Variants in ERBB4 observed in about 807,000 individuals in gnomAD.
ERBB4 encodes erb-b2 receptor tyrosine kinase 4, also known as receptor tyrosine-protein kinase erbB-4.
A neutral mutation model predicts 158.0 loss-of-function variants in ERBB4; 42 were observed. That is an observed-to-expected ratio of 0.27 (90% CI 0.21 to 0.34). The LOEUF is 0.34. Among genes scored for constraint, ERBB4 ranks in the 10% least tolerant of loss-of-function variants. ERBB4 has a pLI of 1.00. For synonymous variants in ERBB4, 583 were observed against 558.7 expected (o/e 1.04, Z -0.61); for missense variants, 1,333 against 1,624.1 (o/e 0.82, Z 3.08).
At chr2:212,038,075 T>C (rs576708474) in intron 2 of ERBB4, among the ~76,000 whole-genome samples, 1 of 152,272 alleles carries the variant, frequency 6.6e-6, no homozygotes, top group Admixed American at 6.5e-5. Context: ...TGAAATATAT[T>C]ATTATGGGAT....
rs1307801375 is a variant in ERBB4, at chr2:211,502,329, A to G, written c.2487+59574T>C. ...CCTATTCTTGACATTTTATATACTC[A>G]AATTAGGGTAATGTAACAGAAAGCT... is the stretch of plus-strand genomic sequence containing the variant. On this transcript the variant is annotated intron_variant, in intron 20 of 27. Coordinates refer to ENST00000342788, the MANE Select transcript of ERBB4 (RefSeq NM_005235.3). Among the ~76,000 whole-genome samples, 3 of 152,148 alleles carry G rather than the reference A, an allele frequency of 2.0e-5. No homozygotes were observed. In the East Asian group the frequency reaches 5.8e-4, roughly 29 times the overall value.
At chr2:211,809,991 T>C (rs2076711647) in intron 3 of ERBB4, among the ~76,000 whole-genome samples, 1 of 152,194 alleles carries the variant, frequency 6.6e-6, no homozygotes, top group African/African-American at 2.4e-5. Context: ...TCCATGTAGT[T>C]GTGCTGTTTT....
At chr2:212,317,882 AATAG>A (rs1282964574) in intron 1 of ERBB4, among the ~76,000 whole-genome samples, 1 of 151,640 alleles carries the variant, frequency 6.6e-6, no homozygotes, top group Non-Finnish European at 1.5e-5. Flanking sequence ...AAGTTTAACA[AATAG>A]AAACTACAGA....
At chr2:211,956,972 C>T (rs1264064757) in intron 2 of ERBB4, among the ~76,000 whole-genome samples, 1 of 151,992 alleles carries the variant, frequency 6.6e-6, no homozygotes, top group Non-Finnish European at 1.5e-5. Flanking sequence ...TCTAGGACTA[C>T]AGCTACACAA....
At chr2:212,382,956 T>A (rs902491280) in intron 1 of ERBB4, among the ~76,000 whole-genome samples, 1 of 151,330 alleles carries the variant, frequency 6.6e-6, no homozygotes, top group East Asian at 1.9e-4. Flanking sequence ...TGTCTCTTTC[T>A]GTGAACAAGT....
chr2:212,501,659 T>C (rs1196424395), intron 1 of ERBB4, among the ~76,000 whole-genome samples: 1 of 152,184 alleles, frequency 6.6e-6, no homozygotes, highest in South Asian at 2.1e-4. Flanking sequence ...AGTCTAAGCA[T>C]AGAATAATCA....
intron 1 of ERBB4, among the ~76,000 whole-genome samples, chr2:212,447,774 TTGTGTG>T (rs3040357): frequency 1.2e-4 from 18 of 147,100 alleles, no homozygotes; most frequent in Admixed American, 4.8e-4. Context: ...TCATAAAAGA[TTGTGTG>T]TGTGTGTGTG....
At chr2:212,513,684 G>A (rs1279337823) in intron 1 of ERBB4, among the ~76,000 whole-genome samples, 3 of 152,084 alleles carry the variant, frequency 2.0e-5, no homozygotes, top group South Asian at 2.1e-4. Flanking sequence ...AGTGGCCAGC[G>A]CCTGTAGTCC....
chr2:212,498,112 ATCTATGTGTGTG>A (rs1008681434), intron 1 of ERBB4, among the ~76,000 whole-genome samples: 2 of 149,834 alleles, frequency 1.3e-5, no homozygotes, highest in African/African-American at 5.0e-5. Context: ...GTGTGTGCAT[ATCTATGTGTGTG>A]TGTGTGTGTG....
chr2:212,474,866 T>G (rs1689306025), intron 1 of ERBB4, among the ~76,000 whole-genome samples: 1 of 138,514 alleles, frequency 7.2e-6, no homozygotes, highest in South Asian at 2.4e-4. Context: ...TGCTCTATTG[T>G]CCTTCAACCT....
intron 1 of ERBB4, among the ~76,000 whole-genome samples, chr2:212,356,384 T>C (rs948364425): frequency 6.6e-6 from 1 of 152,016 alleles, no homozygotes; most frequent in Non-Finnish European, 1.5e-5. Flanking sequence ...CTAAATTCTG[T>C]ATTTGTTCAC....
rs866199626 is a variant in ERBB4, at chr2:212,012,229, G to C, written c.235-64613C>G. Among the ~76,000 whole-genome samples the C allele has an allele frequency of 2.0e-5, 3 of 152,168 alleles. No homozygotes were observed. The Middle Eastern group carries it at 0.01, about 518-fold the overall frequency. ...TGATAACATTTTTCTGATACAACAA[G>C]ATATTTTAGGCTCATCCTGTACATT... On this transcript the variant is annotated intron_variant, in intron 2 of 27. Coordinates refer to ENST00000342788, the MANE Select transcript of ERBB4 (RefSeq NM_005235.3).
chr2:211,666,007 A>G (rs948420988), intron 14 of ERBB4, among the ~76,000 whole-genome samples: 7 of 152,222 alleles, frequency 4.6e-5, no homozygotes, highest in African/African-American at 1.7e-4. Flanking sequence ...CTAAAACTGA[A>G]TTTCATATAA....
At chr2:211,650,264 T>A (rs1466246584) in intron 16 of ERBB4, among the ~76,000 whole-genome samples, 2 of 152,096 alleles carry the variant, frequency 1.3e-5, no homozygotes, top group Admixed American at 1.3e-4. Context: ...TCTTTTTGGT[T>A]AAGTATTGTT....
chr2:212,141,733 T>C (rs1054635969), intron 1 of ERBB4, among the ~76,000 whole-genome samples: 1 of 152,092 alleles, frequency 6.6e-6, no homozygotes, highest in African/African-American at 2.4e-5. Flanking sequence ...TCAGAATATC[T>C]ATCAGCTCCA....
intron 10 of ERBB4, among the ~76,000 whole-genome samples, chr2:211,704,787 T>G (rs556005026): frequency 6.6e-6 from 1 of 152,314 alleles, no homozygotes; most frequent in South Asian, 2.1e-4. Context: ...AGTCGTAATG[T>G]CAAACTTTCA....
At chr2:212,374,492 T>C (rs1053247254) in intron 1 of ERBB4, among the ~76,000 whole-genome samples, 3 of 152,046 alleles carry the variant, frequency 2.0e-5, no homozygotes, top group Non-Finnish European at 4.4e-5. Context: ...AAACGATGTG[T>C]GTGTGTGTAC....
intron 3 of ERBB4, among the ~76,000 whole-genome samples, chr2:211,930,195 T>A (rs562644659): frequency 7.9e-5 from 12 of 152,164 alleles, no homozygotes; most frequent in Non-Finnish European, 1.8e-4. Context: ...AGCAAGGATA[T>A]AGACATAATT....
At chr2:211,446,760 G>A (rs935089506) in intron 20 of ERBB4, among the ~76,000 whole-genome samples, 1 of 151,690 alleles carries the variant, frequency 6.6e-6, no homozygotes, top group Non-Finnish European at 1.5e-5. Flanking sequence ...AAAACAATGT[G>A]AATGAATTAG....
Sources: gnomAD v4.1 joint callset for allele counts (sites outside exome capture counted in the v4.1 genomes callset) on GRCh38, gnomAD v4.1.1 for gene constraint, MANE v1.5 for transcripts, NCBI Gene and HGNC (gene_info 2026-07-23, HGNC 2026-07-21) for gene names.